NEO1: variants seen among roughly 807,000 people sequenced by gnomAD.
NEO1 encodes neogenin.
In NEO1, 63 loss-of-function variants were observed where a neutral mutation model predicts 159.7. The observed-to-expected ratio is 0.39, with a 90% CI of 0.32 to 0.49. NEO1 has a LOEUF of 0.49. NEO1 is among the 20% of genes least tolerant of loss of function. NEO1 has a pLI of 0.85. For missense variants in NEO1, 1,615 were observed against 1,831.0 expected, an observed-to-expected ratio of 0.88 and a Z score of 2.15; for synonymous variants, 633 against 662.0, an observed-to-expected ratio of 0.96 and a Z score of 0.67.
chr15:73,281,272 C>T (rs1270073462), intron 22 of NEO1, among the ~76,000 whole-genome samples: 2 of 150,724 alleles, frequency 1.3e-5, no homozygotes, highest in Non-Finnish European at 3.0e-5. Flanking sequence ...TTTTTTCCCC[C>T]CTAGACGGAG....
chr15:73,194,477 G>A (rs1228351892), intron 7 of NEO1, among the ~76,000 whole-genome samples: 2 of 152,188 alleles, frequency 1.3e-5, no homozygotes, highest in Admixed American at 6.6e-5. Context: ...AATCATGGCA[G>A]AAGGCAAAAT....
chr15:73,243,996 A>G (rs2039619693), intron 8 of NEO1, among the ~76,000 whole-genome samples: 1 of 152,082 alleles, frequency 6.6e-6, no homozygotes, highest in Non-Finnish European at 1.5e-5. Context: ...CCTTCCATCA[A>G]TTTCCCTAAA....
At chr15:73,213,330 G>A (rs1467202478) in intron 7 of NEO1, among the ~76,000 whole-genome samples, 1 of 152,032 alleles carries the variant, frequency 6.6e-6, no homozygotes, top group Non-Finnish European at 1.5e-5. Flanking sequence ...GGTTACATAA[G>A]TTCTTTAGTG....
intron 7 of NEO1, among the ~76,000 whole-genome samples, chr15:73,200,666 T>C (rs2036823643): frequency 6.9e-6 from 1 of 145,236 alleles, no homozygotes; most frequent in Non-Finnish European, 1.5e-5. Flanking sequence ...TAGTATTCCC[T>C]TATCTTTTTT....
chr15:73,057,541 G>A (rs1334768721), intron 1 of NEO1, among the ~76,000 whole-genome samples: 2 of 152,178 alleles, frequency 1.3e-5, no homozygotes, highest in Non-Finnish European at 2.9e-5. Context: ...GTGAAGTGAG[G>A]AGAAGTTTTG....
chr15:73,158,971 G>A (rs1038563740), intron 5 of NEO1, among the ~76,000 whole-genome samples: 1 of 152,194 alleles, frequency 6.6e-6, no homozygotes, highest in African/African-American at 2.4e-5. Context: ...CCTTGTTTAA[G>A]ACAGTGAGTA....
At chr15:73,294,575 T>G (rs2042282811) in intron 26 of NEO1, among the ~76,000 whole-genome samples, 1 of 152,180 alleles carries the variant, frequency 6.6e-6, no homozygotes, top group African/African-American at 2.4e-5. Flanking sequence ...AGCCTCAGTC[T>G]GTTGCCCAGG....
rs867083425 is a variant in NEO1 at position 73,061,529 on chromosome 15, C to T, written c.130+8724C>T. Among the ~76,000 whole-genome samples the T allele has an allele frequency of 4.0e-4, 61 of 152,304 alleles. 1 individual carries two copies. Among genetic ancestry groups the T allele is most frequent in the African/African-American group, 1.4e-3 (59 of 41,560 alleles). On this transcript the variant is annotated intron_variant, in intron 1 of 28. Coordinates refer to ENST00000261908, the MANE Select transcript of NEO1 (RefSeq NM_002499.4). ...GAGGTGAGGTGGCAGGGTATGGTTC[C>T]TACCCCTCTGGCCATGACATTTATC...
intron 23 of NEO1, among the ~76,000 whole-genome samples, chr15:73,286,104 C>T (rs565070254): frequency 6.4e-5 from 8 of 125,054 alleles, no homozygotes; most frequent in South Asian, 5.7e-4. Flanking sequence ...TCCTTTTCAC[C>T]GGCTGCTTAC....
intron 1 of NEO1, among the ~76,000 whole-genome samples, chr15:73,116,159 C>T (rs568979354): frequency 5.3e-5 from 8 of 152,178 alleles, no homozygotes; most frequent in Non-Finnish European, 7.4e-5. Flanking sequence ...AAAGATACCT[C>T]TTAAGAATCA....
chr15:73,089,759 A>G (rs2069577625), intron 1 of NEO1, among the ~76,000 whole-genome samples: 1 of 152,214 alleles, frequency 6.6e-6, no homozygotes, highest in Admixed American at 6.5e-5. Flanking sequence ...TTTAAAATAT[A>G]CATTATTTTT....
At chr15:73,268,376 C>CTA (rs2041013631) in intron 16 of NEO1, among the ~76,000 whole-genome samples, 1 of 152,102 alleles carries the variant, frequency 6.6e-6, no homozygotes, top group Non-Finnish European at 1.5e-5. Context: ...GTCATGTAAT[C>CTA]TAGATATGTT....
At chr15:73,137,313 A>G (rs1187351672) in intron 5 of NEO1, among the ~76,000 whole-genome samples, 1 of 152,260 alleles carries the variant, frequency 6.6e-6, no homozygotes, top group African/African-American at 2.4e-5. Context: ...AATATTTGCA[A>G]TATGATGCAA....
chr15:73,137,094 G>T (rs1486265674), intron 5 of NEO1, among the ~76,000 whole-genome samples: 2 of 152,090 alleles, frequency 1.3e-5, no homozygotes, highest in African/African-American at 4.8e-5. Flanking sequence ...TTAAGACCTG[G>T]CCTTTAGTGC....
At chr15:73,078,337 G>A (rs970574093) in intron 1 of NEO1, among the ~76,000 whole-genome samples, 3 of 152,172 alleles carry the variant, frequency 2.0e-5, no homozygotes, top group Admixed American at 6.5e-5. Context: ...GTGATATACT[G>A]TATTCAGTTG....
intron 7 of NEO1, among the ~76,000 whole-genome samples, chr15:73,215,963 G>A (rs567807515): frequency 6.6e-6 from 1 of 151,726 alleles, no homozygotes; most frequent in Non-Finnish European, 1.5e-5. Context: ...TTAAGTTTTA[G>A]GGTACATGTG....
At position 73,298,501 on chromosome 15, in the gene NEO1, A is replaced by G. The variant is rs769989799; in HGVS notation, c.4055A>G (p.His1352Arg). ...TCAGGCCAGAGTCTTCCCACTGCCC[A>G]TGTTCGCCCTTCCCACCCATTGAAG... is the stretch of plus-strand genomic sequence containing the variant. ...EDSGQSLPTA[H>R]VRPSHPLKSF... The change falls in exon 27 of 29, where the codon CAT becomes CGT. Residue 1352 changes from histidine (H) to arginine (R), a missense_variant. Transcript: ENST00000261908. 1.1e-5 allele frequency: 17 copies of G among 1,614,118 alleles called. No individual in the cohort carries two copies. The highest frequency in any genetic ancestry group is 3.3e-5 in the Admixed American group (2 of 60,022).
chr15:73,114,136 A>G (rs1029519154), intron 1 of NEO1, among the ~76,000 whole-genome samples: 98 of 152,284 alleles, frequency 6.4e-4, no homozygotes, highest in African/African-American at 2.2e-3. Context: ...GACAGACAGC[A>G]TTTCTGAGCA....
intron 1 of NEO1, among the ~76,000 whole-genome samples, chr15:73,100,262 C>T (rs2070325701): frequency 6.6e-6 from 1 of 152,048 alleles, no homozygotes. Flanking sequence ...TATAGCCGTG[C>T]TATTTTTATC....
Sources: allele counts gnomAD v4.1 joint callset (sites outside exome capture counted in the v4.1 genomes callset), GRCh38; gene constraint gnomAD v4.1.1; transcripts MANE v1.5; gene names NCBI Gene and HGNC (gene_info 2026-07-23, HGNC 2026-07-21).